DRICH1: variants seen among roughly 807,000 people sequenced by gnomAD.
DRICH1 encodes the protein aspartate-rich protein 1.
Under a neutral mutation model 39.5 loss-of-function variants are expected in DRICH1, and 38 were observed. The observed-to-expected ratio is 0.96, with a 90% CI of 0.74 to 1.26. The LOEUF is 1.26. Ranked by LOEUF, DRICH1 falls within the 50% of genes most tolerant of loss-of-function variation. DRICH1 has a pLI of 0.00. For synonymous variants in DRICH1, 84 were observed against 99.5 expected (o/e 0.84, Z 0.93); for missense variants, 279 against 270.4 (o/e 1.03, Z -0.22).
the DRICH1 span, among the ~76,000 whole-genome samples, chr22:23,594,116 T>C: frequency 6.6e-6 from 1 of 151,950 alleles, no homozygotes. Flanking sequence ...TTTGCAAAAA[T>C]GTCCAAAAAC....
At chr22:23,598,634 G>A in the DRICH1 span, among the ~76,000 whole-genome samples, 3 of 152,316 alleles carry the variant, frequency 2.0e-5, no homozygotes, top group Non-Finnish European at 4.4e-5. Context: ...CCTCCTAGCC[G>A]TTCAGGGGAG....
chr22:23,623,558 CCTGA>C (rs1222295423), intron 3 of DRICH1, among the ~76,000 whole-genome samples: 3 of 152,144 alleles, frequency 2.0e-5, no homozygotes, highest in Non-Finnish European at 4.4e-5. Context: ...GAAGACTGAG[CCTGA>C]CTAACACACA....
At chr22:23,606,135 T>C (rs1264805887), downstream of DRICH1, among the ~76,000 whole-genome samples, 1 of 151,694 alleles carries the variant, frequency 6.6e-6, no homozygotes, top group African/African-American at 2.4e-5. Context: ...GACAAAATAG[T>C]AACCCTTTAG....
chr22:23,622,181 A>T lies in DRICH1; in HGVS notation c.299-5T>A, dbSNP rs998329774. ...TCAGGTTGTCCTCAGAAGAACCTGG[A>T]AGGACACAGAGGAAAGATCCGTGCC... On this transcript the variant is annotated splice_polypyrimidine_tract_variant and splice_region_variant and intron_variant, in intron 3 of 11. Transcript: ENST00000317749. 3 of 1,613,180 alleles carry T rather than the reference A, an allele frequency of 1.9e-6. No individual in the cohort carries two copies. The African/African-American group carries it at 4.0e-5, about 22-fold the overall frequency.
chr22:23,614,332 A>G lies in DRICH1; in HGVS notation c.542-118T>C, dbSNP rs1927225066. On this transcript the variant is annotated intron_variant, in intron 8 of 11. Coordinates refer to ENST00000317749, the MANE Select transcript of DRICH1 (RefSeq NM_016449.4). The stretch of plus-strand genomic sequence containing the variant: ...TGATTAACAAGCATGGACTGAGTTG[A>G]TGCTGGGCTATTCCCCTGAGTGGAA... 7.0e-6 allele frequency: 5 copies of G among 716,456 alleles called. No homozygotes were observed. In the East Asian group the frequency reaches 1.3e-4, roughly 19 times the overall value. The allele number at this position is 716,456 out of a possible 1,614,324, so 44.4% of individuals were successfully genotyped here. A position where few individuals can be genotyped will look rare whatever the true frequency, so the allele number is the denominator to read the frequency against.
the DRICH1 span, among the ~76,000 whole-genome samples, chr22:23,589,001 ACC>A: frequency 1.3e-5 from 2 of 151,866 alleles, no homozygotes; most frequent in Non-Finnish European, 2.9e-5. Context: ...GGCTCATATA[ACC>A]CAAACAAGCT....
intron 1 of DRICH1, among the ~76,000 whole-genome samples, chr22:23,628,715 C>T (rs549144467): frequency 6.6e-6 from 1 of 152,304 alleles, no homozygotes; most frequent in East Asian, 1.9e-4. Flanking sequence ...AGGCCTGGGA[C>T]CTGTCTGTGT....
intron 1 of DRICH1, among the ~76,000 whole-genome samples, chr22:23,629,756 T>C (rs1928281959): frequency 6.6e-6 from 1 of 152,104 alleles, no homozygotes; most frequent in Non-Finnish European, 1.5e-5. Flanking sequence ...TACCTAGGAC[T>C]ACAGGTATGG....
the DRICH1 span, among the ~76,000 whole-genome samples, chr22:23,591,785 T>C: frequency 6.6e-6 from 1 of 152,168 alleles, no homozygotes; most frequent in Non-Finnish European, 1.5e-5. Context: ...CATGAAAACA[T>C]AACAATGAGA....
chr22:23,591,777 T>A, the DRICH1 span, among the ~76,000 whole-genome samples: 1 of 152,146 alleles, frequency 6.6e-6, no homozygotes. Flanking sequence ...TAAGGCGACA[T>A]GAAAACATAA....
downstream of DRICH1, among the ~76,000 whole-genome samples, chr22:23,604,814 G>A (rs770516162): frequency 6.6e-6 from 1 of 152,228 alleles, no homozygotes; most frequent in Non-Finnish European, 1.5e-5. Flanking sequence ...AGTTGGACTA[G>A]CTAAAGCCTT....
chr22:23,605,532 G>A (rs1308665750), downstream of DRICH1, among the ~76,000 whole-genome samples: 1 of 152,106 alleles, frequency 6.6e-6, no homozygotes, highest in East Asian at 1.9e-4. Context: ...AGGAGGAGGA[G>A]GAGGGGGAGA....
chr22:23,589,905 C>A, the DRICH1 span, among the ~76,000 whole-genome samples: 55 of 152,286 alleles, frequency 3.6e-4, no homozygotes, highest in South Asian at 4.8e-3. Flanking sequence ...CATGAAGGGA[C>A]CCCGAGGCTC....
At chr22:23,622,677 C>T (rs1405264648) in intron 3 of DRICH1, among the ~76,000 whole-genome samples, 2 of 86,476 alleles carry the variant, frequency 2.3e-5, no homozygotes, top group South Asian at 3.4e-4. Flanking sequence ...TTCATAGAGA[C>T]CATTTAAAAA....
the DRICH1 span, among the ~76,000 whole-genome samples, chr22:23,583,637 G>A: frequency 4.6e-5 from 7 of 152,280 alleles, no homozygotes; most frequent in African/African-American, 1.4e-4. Flanking sequence ...ATGCCAGACA[G>A]CTCCCGATCC....
rs1233206126 is a variant in DRICH1 at position 23,614,169 on chromosome 22, T to G, written c.587A>C (p.Lys196Thr). 3.1e-6 allele frequency: 5 copies of G among 1,613,972 alleles called. No homozygotes were observed. The highest frequency in any genetic ancestry group is 4.2e-6 in the Non-Finnish European group (5 of 1,179,830). ...ATCATCATCTTCTTCTTCTTCATCTTTGTGTCTCAGTGAGCATCTTAAAAA... is the reference window on the plus strand; with the variant it reads ...ATCATCATCTTCTTCTTCTTCATCTGTGTGTCTCAGTGAGCATCTTAAAAA... ...SLFLRCSLRH[K>T]DEEEEDDDDI... is the part of the protein sequence containing the mutation. Residue 196 changes from lysine to threonine, a missense_variant, in exon 9 of 12, where the codon AAA becomes ACA. Physicochemically the swap from Lys to Thr is moderately conservative, Grantham distance 78 (BLOSUM62 -1). Coordinates refer to ENST00000317749, the MANE Select transcript of DRICH1 (RefSeq NM_016449.4).
intron 1 of DRICH1, among the ~76,000 whole-genome samples, chr22:23,629,265 C>T (rs1379993301): frequency 6.6e-6 from 1 of 152,170 alleles, no homozygotes; most frequent in African/African-American, 2.4e-5. Context: ...TCTCAAACTC[C>T]TAACCTCAGG....
the DRICH1 span, among the ~76,000 whole-genome samples, chr22:23,584,525 T>G: frequency 6.6e-6 from 1 of 152,182 alleles, no homozygotes; most frequent in African/African-American, 2.4e-5. Flanking sequence ...CTAGAAACTC[T>G]CAAGTTTTCA....
chr22:23,605,947 A>G (rs1379777048), downstream of DRICH1, among the ~76,000 whole-genome samples: 1 of 151,612 alleles, frequency 6.6e-6, no homozygotes, highest in Non-Finnish European at 1.5e-5. Flanking sequence ...CATTGTGTGC[A>G]CCTGTGAGCC....
Sources: gnomAD v4.1 joint callset for allele counts (sites outside exome capture counted in the v4.1 genomes callset) on GRCh38, gnomAD v4.1.1 for gene constraint, MANE v1.5 for transcripts, NCBI Gene and HGNC (gene_info 2026-07-23, HGNC 2026-07-21) for gene names.